The following TLE4 variants were observed in gnomAD, a reference collection of about 807,000 sequenced individuals.
The protein encoded by TLE4 is transducin-like enhancer protein 4.
In TLE4, 8 loss-of-function variants were observed where a neutral mutation model predicts 92.8. The ratio of observed to expected loss-of-function variants is 0.09; its 90% CI spans 0.05 to 0.16. TLE4 has a LOEUF of 0.16. TLE4 is among the 10% of genes least tolerant of loss of function. The probability of loss-of-function intolerance (pLI) is 1.00; values close to 1 mark genes in which losing one functional copy is unlikely to be tolerated. For synonymous variants in TLE4, 371 were observed against 374.1 expected (o/e 0.99, Z 0.10); for missense variants, 675 against 997.6 (o/e 0.68, Z 4.36).
chr9:79,664,524 A>G (rs2061065962), intron 8 of TLE4, among the ~76,000 whole-genome samples: 1 of 152,170 alleles, frequency 6.6e-6, no homozygotes, highest in Admixed American at 6.5e-5. Context: ...TGATTTGATG[A>G]TAAAATCTGT....
At chr9:79,592,183 C>CTTCTTCT (rs1564202590) in intron 4 of TLE4, among the ~76,000 whole-genome samples, 2 of 135,284 alleles carry the variant, frequency 1.5e-5, no homozygotes, top group East Asian at 2.1e-4. Flanking sequence ...CTTCCTCTTC[C>CTTCTTCT]TCTTCTTCTT....
chr9:79,626,126 A>G (rs550179467), intron 5 of TLE4, among the ~76,000 whole-genome samples: 1 of 152,164 alleles, frequency 6.6e-6, no homozygotes, highest in Non-Finnish European at 1.5e-5. Flanking sequence ...AAATAATTAA[A>G]GTCGTTTCCT....
In TLE4 at chr9:79,572,730, G is replaced by A; in HGVS notation, c.-61G>A. On this transcript the variant is annotated 5_prime_UTR_variant, in exon 1 of 20. Coordinates refer to ENST00000376552, the MANE Select transcript of TLE4 (RefSeq NM_007005.6). ...CGCTGCCGCGGCCGCCTCCTCTTCG[G>A]GGTCATTAAAGCCAATGAGCCGCGC... 1 of 1,565,876 alleles carries A rather than the reference G, an allele frequency of 6.4e-7. No homozygotes were observed. Among genetic ancestry groups the A allele is most frequent in the Non-Finnish European group, 8.7e-7 (1 of 1,152,082 alleles).
rs1462038640 is a variant in TLE4 at position 79,585,849 on chromosome 9, C to T, written c.252+9672C>T. 2.6e-5 allele frequency among the ~76,000 whole-genome samples: 4 copies of T among 151,920 alleles called. No homozygotes were observed. In the East Asian group the frequency reaches 7.7e-4, roughly 29 times the overall value. On this transcript the variant is annotated intron_variant, in intron 4 of 19. Transcript: ENST00000376552. ...CCCAATAATAAAGCATTCCCCCCGT[C>T]CTGTGGATGAACACAGTGAGACGCA...
At chr9:79,618,622 C>T (rs1399243934) in intron 5 of TLE4, among the ~76,000 whole-genome samples, 1 of 152,082 alleles carries the variant, frequency 6.6e-6, no homozygotes, top group East Asian at 1.9e-4. Context: ...GGACATTTTC[C>T]TCCTTCTACA....
chr9:79,600,708 T>C (rs2045414657), intron 4 of TLE4, among the ~76,000 whole-genome samples: 1 of 152,182 alleles, frequency 6.6e-6, no homozygotes, highest in Admixed American at 6.5e-5. Context: ...GCCTGTTCTC[T>C]CTAGGGGTCC....
rs73652245 is a variant in TLE4 at position 79,724,062 on chromosome 9, A to G, written c.2215-975A>G. 3.6e-3 allele frequency among the ~76,000 whole-genome samples: 541 copies of G among 152,316 alleles called. 3 individuals carry two copies. The highest frequency in any genetic ancestry group is 0.012 in the African/African-American group (494 of 41,568). On this transcript the variant is annotated intron_variant, in intron 19 of 19. Transcript: ENST00000376552. ...ATACTACAGTTGAATATGGTATACA[A>G]AATTCTATGGTATGTTTTTAACTGT...
At chr9:79,596,078 C>T (rs1313111946) in intron 4 of TLE4, among the ~76,000 whole-genome samples, 1 of 152,100 alleles carries the variant, frequency 6.6e-6, no homozygotes, top group East Asian at 1.9e-4. Flanking sequence ...GATCTCCTGA[C>T]CTCGTGATCC....
Position 79,574,900 on chromosome 9 carries a change from C to A in TLE4, c.171C>A (p.Ala57=). 6.2e-7 allele frequency: 1 copy of A among 1,613,468 alleles called. No individual in the cohort carries two copies. The highest frequency in any genetic ancestry group is 1.1e-5 in the South Asian group (1 of 91,048). The part of the protein sequence containing the change: ...HSLKLECEKL[A]SEKTEMQRHY... Reference sequence around the variant, plus strand: ...TGAAGCTGGAATGTGAGAAACTCGCCAGTGAGAAGACAGAGATGCAGCGGC... The same window carrying A: ...TGAAGCTGGAATGTGAGAAACTCGCAAGTGAGAAGACAGAGATGCAGCGGC... The change falls in exon 3 of 20, where the codon GCC becomes GCA. Residue 57 remains alanine (A), a synonymous_variant. Transcript: ENST00000376552.
intron 4 of TLE4, among the ~76,000 whole-genome samples, chr9:79,592,753 C>A (rs2043020838): frequency 6.6e-6 from 1 of 152,170 alleles, no homozygotes; most frequent in Non-Finnish European, 1.5e-5. Flanking sequence ...CTCTTTGTTG[C>A]AGTCATTCTT....
At chr9:79,673,281 A>G (rs907481432) in intron 8 of TLE4, among the ~76,000 whole-genome samples, 6 of 152,214 alleles carry the variant, frequency 3.9e-5, no homozygotes, top group African/African-American at 1.4e-4. Flanking sequence ...TGGGAGATGT[A>G]CAAATCAAAT....
chr9:79,600,337 G>C (rs2045291696), intron 4 of TLE4, among the ~76,000 whole-genome samples: 2 of 152,146 alleles, frequency 1.3e-5, no homozygotes, highest in South Asian at 4.2e-4. Flanking sequence ...TGATTATAGA[G>C]AGTTTTCAGT....
At chr9:79,628,808 A>G (rs954797836) in intron 6 of TLE4, among the ~76,000 whole-genome samples, 8 of 152,112 alleles carry the variant, frequency 5.3e-5, no homozygotes, top group South Asian at 2.1e-4. Context: ...TTCGTTTCCA[A>G]AAACTCCAGG....
At chr9:79,673,310 A>G (rs1251130012) in intron 8 of TLE4, among the ~76,000 whole-genome samples, 1 of 152,218 alleles carries the variant, frequency 6.6e-6, no homozygotes, top group African/African-American at 2.4e-5. Flanking sequence ...AACAAATATT[A>G]TAACAAAAAT....
intron 4 of TLE4, among the ~76,000 whole-genome samples, chr9:79,591,425 A>T (rs1354658688): frequency 2.0e-5 from 3 of 152,130 alleles, no homozygotes; most frequent in Non-Finnish European, 4.4e-5. Context: ...ATAATTGGGA[A>T]TATAGGTTTG....
At chr9:79,574,463 C>G (rs1040714094) in intron 2 of TLE4, among the ~76,000 whole-genome samples, 1 of 152,110 alleles carries the variant, frequency 6.6e-6, no homozygotes, top group Non-Finnish European at 1.5e-5. Flanking sequence ...TTCATATTTT[C>G]ATTAATCTCT....
intron 4 of TLE4, among the ~76,000 whole-genome samples, chr9:79,602,147 T>G (rs115153241): frequency 0.011 from 1,717 of 152,336 alleles, 37 homozygotes; most frequent in African/African-American, 0.039. Flanking sequence ...TAGCAGAGGT[T>G]GGTTCATTAA....
chr9:79,638,236 G>C (rs1005970542), intron 6 of TLE4, among the ~76,000 whole-genome samples: 7 of 152,214 alleles, frequency 4.6e-5, no homozygotes, highest in African/African-American at 1.7e-4. Flanking sequence ...AAACAAGTTA[G>C]AACTTACAGG....
At chr9:79,658,963 C>T (rs1328459411) in intron 8 of TLE4, among the ~76,000 whole-genome samples, 4 of 152,200 alleles carry the variant, frequency 2.6e-5, no homozygotes, top group African/African-American at 9.6e-5. Context: ...TGTAACACTT[C>T]AGCATATCCA....
Sources: allele counts gnomAD v4.1 joint callset (sites outside exome capture counted in the v4.1 genomes callset), GRCh38; gene constraint gnomAD v4.1.1; transcripts MANE v1.5; gene names NCBI Gene and HGNC (gene_info 2026-07-23, HGNC 2026-07-21).